Variants in ASB2 observed in about 807,000 individuals in gnomAD.
ASB2 encodes ankyrin repeat and SOCS box protein 2.
Under a neutral mutation model 62.4 loss-of-function variants are expected in ASB2, and 58 were observed. The observed-to-expected ratio is 0.93, with a 90% CI of 0.75 to 1.16. The LOEUF (loss-of-function observed/expected upper bound fraction) is 1.16. Among genes scored for constraint, ASB2 ranks in the 50% most tolerant of loss-of-function variants. The pLI, the probability that ASB2 is intolerant of heterozygous loss-of-function variation, is 0.00. For missense variants in ASB2, 928 were observed against 887.9 expected (o/e 1.05, Z -0.57); for synonymous variants, 386 against 385.3 (o/e 1.00, Z -0.02).
At chr14:93,973,495 T>G (rs781537346) in intron 1 of ASB2, among the ~76,000 whole-genome samples, 44 of 152,176 alleles carry the variant, frequency 2.9e-4, no homozygotes, top group Non-Finnish European at 6.0e-4. Context: ...GTTGCAATGA[T>G]GAGCATCCAT....
intron 5 of ASB2, 84 bp downstream of exon 5, chr14:93,953,268 A>G: frequency 7.9e-7 from 1 of 1,273,102 alleles, no homozygotes; most frequent in Non-Finnish European, 1.1e-6. Flanking sequence ...GGGGTTATGC[A>G]CTTAACGGGA....
At chr14:93,962,107 CTTTTTTTTTTT>C (rs35800977) in intron 2 of ASB2, among the ~76,000 whole-genome samples, 3 of 73,018 alleles carry the variant, frequency 4.1e-5, no homozygotes, top group South Asian at 6.2e-4. Context: ...ATTAAACATT[CTTTTTTTTTTT>C]TTTTTTTTTT....
chr14:93,934,189 T>C lies in ASB2; in HGVS notation c.*467A>G, dbSNP rs946425392. 4.4e-6 allele frequency: 2 copies of C among 455,718 alleles called. No individual in the cohort carries two copies. Among genetic ancestry groups the C allele is most frequent in the Admixed American group, 4.7e-5 (2 of 42,526 alleles). The allele number at this position is 455,718 out of a possible 1,614,324, so 28.2% of individuals were successfully genotyped here. ...TGTCACATGTGTAACATTTATTATATTAATACTTAACAAAGCCCTCCAAGA... is the reference window on the plus strand; with the variant it reads ...TGTCACATGTGTAACATTTATTATACTAATACTTAACAAAGCCCTCCAAGA... On this transcript the variant is annotated 3_prime_UTR_variant, in exon 10 of 10. Coordinates refer to ENST00000555019, the MANE Select transcript of ASB2 (RefSeq NM_001202429.2).
chr14:93,976,137 C>T (rs1889905907), intron 1 of ASB2, among the ~76,000 whole-genome samples: 1 of 152,252 alleles, frequency 6.6e-6, no homozygotes, highest in Admixed American at 6.5e-5. Context: ...CCAACAATAG[C>T]ATCATTGATA....
intron 7 of ASB2, 196 bp from the exon 8 acceptor site, chr14:93,939,868 G>A (rs961641049): frequency 6.4e-6 from 3 of 467,438 alleles, no homozygotes; most frequent in African/African-American, 2.1e-5. Context: ...GTCGGCTGCC[G>A]TCTCCGCTTT....
rs763057356 is a variant in ASB2 at position 93,939,419 on chromosome 14, C to T, written c.1306G>A (p.Asp436Asn). The change falls in exon 8 of 10, where the codon GAC becomes AAC. Residue 436 changes from aspartate (D) to asparagine (N), a missense_variant. Coordinates refer to ENST00000555019, the MANE Select transcript of ASB2 (RefSeq NM_001202429.2). ...ATELLLQHGA[D>N]PNRDVISPLL... is the part of the protein sequence containing the mutation. ...GGGCTGATGACGTCGCGGTTGGGGT[C>T]GGCGCCGTGTTGCAGCAGCAGCTCG... 6 of 1,612,798 alleles carry T rather than the reference C, an allele frequency of 3.7e-6. No individual in the cohort carries two copies. In the South Asian group the frequency reaches 4.4e-5, roughly 12 times the overall value.
At chr14:93,950,811 C>T (rs951893015) in intron 6 of ASB2, among the ~76,000 whole-genome samples, 188 bp downstream of exon 6, 9 of 152,288 alleles carry the variant, frequency 5.9e-5, no homozygotes, top group Non-Finnish European at 1.3e-4. Flanking sequence ...TGGATCCCGA[C>T]GCTCTTCCCA....
Position 93,937,804 on chromosome 14 carries a change from G to A in ASB2, c.1665C>T (p.Pro555=), listed in dbSNP as rs765742509. The A allele has an allele frequency of 6.2e-7, 1 of 1,611,418 alleles. No homozygotes were observed. Among genetic ancestry groups the A allele is most frequent in the Non-Finnish European group, 8.5e-7 (1 of 1,177,780 alleles). The change falls in exon 9 of 10, where the codon CCC becomes CCT. Residue 555 remains proline (P), a synonymous_variant. Coordinates refer to ENST00000555019, the MANE Select transcript of ASB2 (RefSeq NM_001202429.2). ...CGTAGTCCAGGAGGACATCGATGAT[G>A]GGCCCCGCCCAGCGGCTCACCTCTG... is the stretch of plus-strand genomic sequence containing the variant. ...SAPEVSRWAG[P]IIDVLLDYVG...
At chr14:93,938,233 C>CTTTTTTT (rs35127276) in intron 8 of ASB2, among the ~76,000 whole-genome samples, 2,757 of 67,662 alleles carry the variant, frequency 0.041, 340 homozygotes, top group East Asian at 0.15. Flanking sequence ...TAAGTTCTGA[C>CTTTTTTT]TTTTTTTTTT....
chr14:93,954,521 G>A, intron 3 of ASB2, 38 bp from the exon 4 acceptor site: 1 of 1,604,244 alleles, frequency 6.2e-7, no homozygotes, highest in Non-Finnish European at 8.5e-7. Context: ...TCAAGGTCAG[G>A]CCAAGGCCAG....
intron 4 of ASB2, 79 bp from the exon 5 acceptor site, chr14:93,953,586 C>T: frequency 8.0e-7 from 1 of 1,250,224 alleles, no homozygotes; most frequent in Non-Finnish European, 1.1e-6. Flanking sequence ...CGATTGCCTC[C>T]CAATTTCAAG....
At chr14:93,971,089 A>G (rs1039806838) in intron 1 of ASB2, among the ~76,000 whole-genome samples, 9 of 152,160 alleles carry the variant, frequency 5.9e-5, no homozygotes, top group African/African-American at 2.2e-4. Flanking sequence ...CATCCAAGGG[A>G]TTTGAATTCC....
chr14:93,937,737 C>T lies in ASB2; in HGVS notation c.1732G>A (p.Asp578Asn), dbSNP rs374433516. The change falls in exon 9 of 10, where the codon GAC becomes AAC. Residue 578 changes from aspartate to asparagine, a missense_variant. Physicochemically the swap from Asp to Asn is conservative, Grantham distance 23. Coordinates refer to ENST00000555019, the MANE Select transcript of ASB2 (RefSeq NM_001202429.2). Reference protein sequence around the residue: ...QLCSRLKEHIDSFEDWAVIKE... With the variant: ...QLCSRLKEHINSFEDWAVIKE... The stretch of plus-strand genomic sequence containing the variant: ...ATGACGGCCCAGTCCTCAAAGCTGT[C>T]GATGTGTTCCTTCAGCCGCGAGCAG... 6 of 1,612,770 alleles carry T rather than the reference C, an allele frequency of 3.7e-6. No individual in the cohort carries two copies. Among genetic ancestry groups the T allele is most frequent in the South Asian group, 1.1e-5 (1 of 91,048 alleles).
In ASB2 at chr14:93,939,373, T is replaced by C. The variant is rs1888413039; in HGVS notation, c.1352A>G (p.His451Arg). 6.2e-7 allele frequency: 1 copy of C among 1,612,764 alleles called. No homozygotes were observed. Among genetic ancestry groups the C allele is most frequent in the Non-Finnish European group, 8.5e-7 (1 of 1,179,804 alleles). The change falls in exon 8 of 10, where the codon CAC becomes CGC. Residue 451 changes from histidine (H) to arginine (R), a missense_variant. Physicochemically the swap from His to Arg is conservative, Grantham distance 29 (BLOSUM62 0). Coordinates refer to ENST00000555019, the MANE Select transcript of ASB2 (RefSeq NM_001202429.2). ...CAGCTGCATTGTGCGCAGGCAGCCG[T>C]GGCGGATGGCCACGAGCAAGGGGCT... is the stretch of plus-strand genomic sequence containing the variant. ...VISPLLVAIR[H>R]GCLRTMQLLL...
chr14:93,973,216 A>G lies in ASB2; in HGVS notation c.-74+3218T>C, dbSNP rs186256383. Reference sequence around the variant, plus strand: ...CCAAAGCTGGCTCTGCTCCCACGCCAGCAGACACTCTGTGCCCATTGTATA... The same window carrying G: ...CCAAAGCTGGCTCTGCTCCCACGCCGGCAGACACTCTGTGCCCATTGTATA... On this transcript the variant is annotated intron_variant, in intron 1 of 9. Coordinates refer to ENST00000555019, the MANE Select transcript of ASB2 (RefSeq NM_001202429.2). Among the ~76,000 whole-genome samples, 231 of 152,314 alleles carry G rather than the reference A, an allele frequency of 1.5e-3. 1 individual carries two copies. The highest frequency in any genetic ancestry group is 5.2e-3 in the African/African-American group (215 of 41,572).
chr14:93,953,274 C>T (rs1038358913), intron 5 of ASB2, 78 bp downstream of exon 5: 72 of 1,331,778 alleles, frequency 5.4e-5, no homozygotes, highest in East Asian at 2.5e-4. Context: ...ATGCACTTAA[C>T]GGGAGCAACA....
At chr14:93,959,007 G>T (rs1324635506) in intron 2 of ASB2, among the ~76,000 whole-genome samples, 1 of 152,222 alleles carries the variant, frequency 6.6e-6, no homozygotes, top group Admixed American at 6.5e-5. Context: ...AGCTGGTGAT[G>T]ATGACAGTTT....
Position 93,969,334 on chromosome 14 carries a change from G to A in ASB2, c.-73-4722C>T, listed in dbSNP as rs146930781. Among the ~76,000 whole-genome samples, 1,164 of 152,318 alleles carry A rather than the reference G, an allele frequency of 7.6e-3. 9 individuals are homozygous for A. The highest frequency in any genetic ancestry group is 0.031 in the Middle Eastern group (9 of 294). ...CACGAGGGGGAAGTTATGAAGCAGC[G>A]TGTGGAGCCAGCCTGACTGAGTTCA... On this transcript the variant is annotated intron_variant, in intron 1 of 9. Coordinates refer to ENST00000555019, the MANE Select transcript of ASB2 (RefSeq NM_001202429.2).
In ASB2 at chr14:93,939,220, C is replaced by CCGT. The variant is rs1414986805; in HGVS notation, c.1502_1504dup (p.Asp501dup). ...GTAGAGGCATGAGAAGCAGGGCTCG[C>CCGT]CGTCGCAGCCCAGGTCCATGAGGAA... On this transcript the variant is annotated inframe_insertion, in exon 8 of 10. Transcript: ENST00000555019. 1 of 1,607,524 alleles carries CCGT rather than the reference C, an allele frequency of 6.2e-7. No individual in the cohort carries two copies. The highest frequency in any genetic ancestry group is 1.1e-5 in the South Asian group (1 of 90,942).
Sources: gnomAD v4.1 joint callset for allele counts (sites outside exome capture counted in the v4.1 genomes callset) on GRCh38, gnomAD v4.1.1 for gene constraint, MANE v1.5 for transcripts, NCBI Gene and HGNC (gene_info 2026-07-23, HGNC 2026-07-21) for gene names.